The following CDKL3 variants were observed in gnomAD, a reference collection of about 807,000 sequenced individuals.
CDKL3 encodes cyclin dependent kinase like 3.
CDKL3 carries 65 observed loss-of-function variants against 69.3 expected under a neutral mutation model. The observed-to-expected ratio is 0.94, with a 90% CI of 0.77 to 1.15. The LOEUF is 1.15. CDKL3 is among the 50% of genes most tolerant of loss of function. The pLI is 0.00. For missense variants in CDKL3, 652 were observed against 689.2 expected, an observed-to-expected ratio of 0.95 and a Z score of 0.61; for synonymous variants, 202 against 221.6, an observed-to-expected ratio of 0.91 and a Z score of 0.79.
At chr5:134,320,502 C>G (rs1206111314) in intron 5 of CDKL3, among the ~76,000 whole-genome samples, 1 of 151,954 alleles carries the variant, frequency 6.6e-6, no homozygotes, top group African/African-American at 2.4e-5. Flanking sequence ...CACCTGAGCC[C>G]AGGAAGTCAA....
chr5:134,306,747 A>C, intron 9 of CDKL3, 45 bp from the exon 10 acceptor site: 1 of 507,108 alleles, frequency 2.0e-6, no homozygotes, highest in South Asian at 2.0e-5. Context: ...CTCCCCAGAA[A>C]TGCTTTTTTT....
chr5:134,363,246 A>T (rs10491287), intron 2 of CDKL3, among the ~76,000 whole-genome samples: 1 of 152,070 alleles, frequency 6.6e-6, no homozygotes, highest in African/African-American at 2.4e-5. Context: ...TCACAAAATC[A>T]TAACATCTTT....
In CDKL3 at chr5:134,342,408, C is replaced by T. The variant is rs552188224; in HGVS notation, c.539+7841G>A. ...GGTCAGAAGATCGAGACCATCCTGG[C>T]TAACACGGTGAAACCCCATCTCTAC... On this transcript the variant is annotated intron_variant, in intron 4 of 12. Transcript: ENST00000265334. 1.2e-3 allele frequency among the ~76,000 whole-genome samples: 189 copies of T among 152,016 alleles called. 1 individual carries two copies. The highest frequency in any genetic ancestry group is 6.8e-3 in the Middle Eastern group (2 of 294).
At chr5:134,366,796 CACTGAG>C (rs1441582157) in intron 1 of CDKL3, among the ~76,000 whole-genome samples, 175 bp downstream of exon 1, 1 of 151,990 alleles carries the variant, frequency 6.6e-6, no homozygotes, top group Non-Finnish European at 1.5e-5. Flanking sequence ...TGCCCATCAA[CACTGAG>C]ACTACCACAC....
At chr5:134,338,487 C>T (rs1431297408) in intron 4 of CDKL3, among the ~76,000 whole-genome samples, 6 of 151,072 alleles carry the variant, frequency 4.0e-5, no homozygotes, top group African/African-American at 1.2e-4. Flanking sequence ...GCCAGGAGTT[C>T]GAGACCAGCC....
At chr5:134,325,304 T>TA (rs1773857716) in intron 4 of CDKL3, among the ~76,000 whole-genome samples, 1 of 152,198 alleles carries the variant, frequency 6.6e-6, no homozygotes, top group East Asian at 1.9e-4. Flanking sequence ...TACTGCTAGA[T>TA]AATGACCTAA....
chr5:134,332,102 G>A (rs926855968), intron 4 of CDKL3, among the ~76,000 whole-genome samples: 1 of 152,190 alleles, frequency 6.6e-6, no homozygotes, highest in Non-Finnish European at 1.5e-5. Context: ...ATTCTTTTGA[G>A]AAGTGTCTGT....
downstream of CDKL3, among the ~76,000 whole-genome samples, chr5:134,293,763 G>A (rs1765228428): frequency 6.6e-6 from 1 of 152,068 alleles, no homozygotes; most frequent in Non-Finnish European, 1.5e-5. Context: ...TTGTGCCACT[G>A]CATTCCAGCC....
intron 6 of CDKL3, among the ~76,000 whole-genome samples, chr5:134,314,754 C>A (rs1482322237): frequency 6.6e-6 from 1 of 152,076 alleles, no homozygotes; most frequent in Non-Finnish European, 1.5e-5. Flanking sequence ...AAAATTCAAA[C>A]TAATCTATGG....
intron 8 of CDKL3, among the ~76,000 whole-genome samples, chr5:134,293,266 C>T (rs997546406): frequency 2.6e-5 from 4 of 151,626 alleles, no homozygotes; most frequent in Admixed American, 6.6e-5. Context: ...GTGATCTGCC[C>T]GCCTCGGCCT....
At position 134,350,831 on chromosome 5, in the gene CDKL3, G is replaced by GA. The variant is rs112330114; in HGVS notation, c.361-405dup. On this transcript the variant is annotated intron_variant, in intron 3 of 12. Transcript: ENST00000265334. ...CCTGTCTCTAAAAAAAGAAAAAAAA[G>GA]AAAAAAAAAAAAAGAAAAAAAGAAA... 7.0e-3 allele frequency among the ~76,000 whole-genome samples: 574 copies of GA among 82,374 alleles called. 2 individuals are homozygous for GA. The highest frequency in any genetic ancestry group is 0.016 in the East Asian group (42 of 2,614). The allele number at this position is 82,374 out of a possible 152,430, so 54.0% of individuals were successfully genotyped here.
At chr5:134,358,886 T>C (rs1451850857) in intron 3 of CDKL3, among the ~76,000 whole-genome samples, 1 of 152,212 alleles carries the variant, frequency 6.6e-6, no homozygotes, top group East Asian at 1.9e-4. Context: ...AATGCTGAGA[T>C]TAGAGGTGTG....
At chr5:134,296,625 T>G (rs1383588074), downstream of CDKL3, among the ~76,000 whole-genome samples, 2 of 152,138 alleles carry the variant, frequency 1.3e-5, no homozygotes, top group African/African-American at 4.8e-5. Flanking sequence ...GGCTGAAACT[T>G]ACTTAAGGTC....
At chr5:134,344,432 C>G (rs1751298613) in intron 4 of CDKL3, among the ~76,000 whole-genome samples, 1 of 152,056 alleles carries the variant, frequency 6.6e-6, no homozygotes, top group Admixed American at 6.6e-5. Flanking sequence ...GCAGAAAATT[C>G]TTACAACTCA....
chr5:134,284,280 G>A (rs1436466339), downstream of CDKL3, among the ~76,000 whole-genome samples: 1 of 152,174 alleles, frequency 6.6e-6, no homozygotes, highest in Non-Finnish European at 1.5e-5. Flanking sequence ...GCCTCCGGGG[G>A]TGACATCACC....
chr5:134,326,726 C>T (rs1439738726), intron 4 of CDKL3, among the ~76,000 whole-genome samples: 4 of 150,272 alleles, frequency 2.7e-5, no homozygotes, highest in Admixed American at 6.7e-5. Flanking sequence ...CTGCAACCTC[C>T]GCCTCCCAGG....
intron 3 of CDKL3, among the ~76,000 whole-genome samples, chr5:134,355,197 C>T (rs537152896): frequency 2.1e-5 from 3 of 142,082 alleles, no homozygotes; most frequent in African/African-American, 7.9e-5. Context: ...CATGCCAATA[C>T]ACTCCAGCCT....
intron 10 of CDKL3, 25 bp downstream of exon 10, chr5:134,306,584 T>G: frequency 2.2e-6 from 3 of 1,337,622 alleles, no homozygotes; most frequent in Non-Finnish European, 3.2e-6. Context: ...GAGGCCATAT[T>G]TTAATGTGTA....
chr5:134,333,932 T>C (rs1305741193), intron 4 of CDKL3, among the ~76,000 whole-genome samples: 1 of 152,192 alleles, frequency 6.6e-6, no homozygotes, highest in Non-Finnish European at 1.5e-5. Flanking sequence ...TATGAATCCA[T>C]CTGGTCCTGG....
Sources: gnomAD v4.1 joint callset for allele counts (sites outside exome capture counted in the v4.1 genomes callset) on GRCh38, gnomAD v4.1.1 for gene constraint, MANE v1.5 for transcripts, NCBI Gene and HGNC (gene_info 2026-07-23, HGNC 2026-07-21) for gene names.